Variants in NRDE2 observed in about 807,000 individuals in gnomAD.
NRDE2 encodes the protein NRDE-2, necessary for RNA interference, domain containing.
In NRDE2, 76 loss-of-function variants were observed where a neutral mutation model predicts 124.2. The observed-to-expected ratio is 0.61, with a 90% confidence interval of 0.51 to 0.74. NRDE2 has a LOEUF of 0.74. NRDE2 is among the 30% of genes least tolerant of loss of function. The pLI is 0.00. For missense variants in NRDE2, 1,314 were observed against 1,417.3 expected (o/e 0.93, Z 1.17); for synonymous variants, 489 against 528.1 (o/e 0.93, Z 1.01).
At chr14:90,281,594 T>C (rs975878016) in intron 12 of NRDE2, 2 of 152,180 alleles carry the variant, frequency 1.3e-5, no homozygotes, top group African/African-American at 2.4e-5. Context: ...ATCACTTGTT[T>C]TGGCATTTGT....
In NRDE2 at chr14:90,288,593, C is replaced by T. The variant is rs59039343; in HGVS notation, c.2782G>A (p.Glu928Lys). The part of the protein sequence containing the change: ...IGIDAAVQIY[E>K]QVFAKLNSSV... The stretch of plus-strand genomic sequence containing the variant: ...CTGTTCAGTTTTGCAAACACCTGTT[C>T]GTATATCTGCACAGCAGCATCAATC... The change falls in exon 11 of 14, where the codon GAA becomes AAA. Residue 928 changes from glutamate (E) to lysine (K), a missense_variant. Coordinates refer to ENST00000354366, the MANE Select transcript of NRDE2 (RefSeq NM_017970.4). 1,864 of 1,614,132 alleles carry T rather than the reference C, an allele frequency of 1.2e-3. 16 individuals carry two copies. In the African/African-American group the frequency reaches 0.022, roughly 19 times the overall value.
chr14:90,317,070 T>G (rs982544879), intron 2 of NRDE2, among the ~76,000 whole-genome samples: 1 of 152,166 alleles, frequency 6.6e-6, no homozygotes, highest in Non-Finnish European at 1.5e-5. Flanking sequence ...TATACATCTT[T>G]AAATGAAAGT....
At chr14:90,309,472 CAAA>C (rs746289824) in intron 4 of NRDE2, among the ~76,000 whole-genome samples, 6 of 110,748 alleles carry the variant, frequency 5.4e-5, no homozygotes, top group African/African-American at 1.4e-4. Flanking sequence ...GACTCTGTCT[CAAA>C]AAAAAAAAAA....
intron 13 of NRDE2, 82 bp downstream of exon 13, chr14:90,278,980 C>T: frequency 1.0e-6 from 1 of 972,456 alleles, no homozygotes; most frequent in Non-Finnish European, 1.7e-6. Context: ...TGCCGCGGGG[C>T]AGGCCGGGAA....
Position 90,316,113 on chromosome 14 carries a change from T to C in NRDE2, c.407+465A>G, listed in dbSNP as rs139357326. Among the ~76,000 whole-genome samples the C allele has an allele frequency of 6.7e-3, 1,014 of 152,078 alleles. 7 individuals carry two copies. The highest frequency in any genetic ancestry group is 0.011 in the Non-Finnish European group (773 of 67,978). ...TGAAAAAGAAAAGGAAAAGGACAAA[T>C]GTAACAATTATTTAAGTGCTACGTT... On this transcript the variant is annotated intron_variant, in intron 3 of 13. Transcript: ENST00000354366.
At chr14:90,317,468 C>T (rs1367410538) in intron 2 of NRDE2, among the ~76,000 whole-genome samples, 2 of 152,158 alleles carry the variant, frequency 1.3e-5, no homozygotes, top group African/African-American at 2.4e-5. Flanking sequence ...TTTCCAAAGG[C>T]TTCTTACACA....
At chr14:90,283,475 G>C (rs1231799355) in intron 12 of NRDE2, among the ~76,000 whole-genome samples, 1 of 152,136 alleles carries the variant, frequency 6.6e-6, no homozygotes. Context: ...GAATCTTTAT[G>C]CTGGGAATAT....
chr14:90,299,581 G>A (rs138525416), intron 7 of NRDE2, among the ~76,000 whole-genome samples: 63 of 152,266 alleles, frequency 4.1e-4, no homozygotes, highest in African/African-American at 1.4e-3. Context: ...GGACAAGCAG[G>A]CTTCCAGTGG....
chr14:90,312,443 C>T lies in NRDE2; in HGVS notation c.508G>A (p.Asp170Asn). ...GETFRTDKKP[D>N]PANWEYKSLY... is the part of the protein sequence containing the mutation. ...GACTTGTACTCCCAGTTCGCAGGAT[C>T]TGGTTTCTTATCTGTTCTGAAGGTT... The change falls in exon 4 of 14, where the codon GAT becomes AAT. Residue 170 changes from aspartate to asparagine, a missense_variant. Transcript: ENST00000354366. 1.9e-6 allele frequency: 3 copies of T among 1,614,128 alleles called. No homozygotes were observed.
rs1239899222 is a variant in NRDE2 at position 90,269,135 on chromosome 14, T to A, written c.*9201A>T. 71 of 418,542 alleles carry A rather than the reference T, an allele frequency of 1.7e-4. No homozygotes were observed. In the East Asian group the frequency reaches 2.9e-3, roughly 17 times the overall value. The allele number at this position is 418,542 out of a possible 1,614,324, so 25.9% of individuals were successfully genotyped here. A position where few individuals can be genotyped will look rare whatever the true frequency, so the allele number is the denominator to read the frequency against. ...TCATGCTGTATAAGGCTCTGCCTCA[T>A]GCCTTTAGCCCTTTCCAAAAGGCCT... On this transcript the variant is annotated 3_prime_UTR_variant, in exon 14 of 14. Transcript: ENST00000354366.
Position 90,269,640 on chromosome 14 carries a change from A to G in NRDE2, c.*8696T>C. ...GGGAGGCCTATAAAATGATACATAA[A>G]AAAGCAAATACTGCAGTGAAACTTA... On this transcript the variant is annotated 3_prime_UTR_variant, in exon 14 of 14. Transcript: ENST00000354366. 1 of 1,392,200 alleles carries G rather than the reference A, an allele frequency of 7.2e-7. No individual in the cohort carries two copies. Among genetic ancestry groups the G allele is most frequent in the Non-Finnish European group, 9.8e-7 (1 of 1,015,462 alleles). The allele number at this position is 1,392,200 out of a possible 1,614,324, so 86.2% of individuals were successfully genotyped here. A position where few individuals can be genotyped will look rare whatever the true frequency, so the allele number is the denominator to read the frequency against.
At chr14:90,324,052 C>A (rs892102028) in intron 1 of NRDE2, among the ~76,000 whole-genome samples, 1 of 152,114 alleles carries the variant, frequency 6.6e-6, no homozygotes, top group Non-Finnish European at 1.5e-5. Flanking sequence ...AATGACAGCA[C>A]GCTCTCTAAT....
chr14:90,300,614 C>T (rs879623276), intron 7 of NRDE2, among the ~76,000 whole-genome samples: 16 of 150,932 alleles, frequency 1.1e-4, no homozygotes, highest in Admixed American at 6.6e-4. Flanking sequence ...TGGCAATGCT[C>T]GCTTGTCATC....
At chr14:90,330,435 G>T (rs553606507) in intron 1 of NRDE2, among the ~76,000 whole-genome samples, 37 of 152,232 alleles carry the variant, frequency 2.4e-4, no homozygotes, top group African/African-American at 6.7e-4. Flanking sequence ...ATGCTACAAT[G>T]AATAGACAAA....
chr14:90,321,671 T>C (rs868506050), intron 1 of NRDE2, among the ~76,000 whole-genome samples: 2 of 151,898 alleles, frequency 1.3e-5, no homozygotes, highest in Non-Finnish European at 2.9e-5. Context: ...GAGCAAAAGG[T>C]ATTTTCATCT....
At chr14:90,324,036 G>C (rs1237466922) in intron 1 of NRDE2, among the ~76,000 whole-genome samples, 1 of 152,124 alleles carries the variant, frequency 6.6e-6, no homozygotes, top group Non-Finnish European at 1.5e-5. Context: ...AGAGAAAATA[G>C]GGAATAATGA....
chr14:90,303,628 C>G (rs998443166), intron 5 of NRDE2, among the ~76,000 whole-genome samples: 1 of 152,154 alleles, frequency 6.6e-6, no homozygotes, highest in Non-Finnish European at 1.5e-5. Context: ...TCTCTTCTTT[C>G]AAGATTGTGT....
intron 3 of NRDE2, among the ~76,000 whole-genome samples, chr14:90,314,692 A>G (rs1482256302): frequency 6.6e-6 from 1 of 152,350 alleles, no homozygotes; most frequent in East Asian, 1.9e-4. Context: ...AAAGGTAAGG[A>G]CACCAATAAC....
rs1200853722 is a variant in NRDE2 at position 90,277,521 on chromosome 14, A to C, written c.*815T>G. 6.6e-6 allele frequency: 1 copy of C among 152,252 alleles called. No homozygotes were observed. Among genetic ancestry groups the C allele is most frequent in the Non-Finnish European group, 1.5e-5 (1 of 68,062 alleles). The allele number at this position is 152,252 out of a possible 1,614,324, so 9.4% of individuals were successfully genotyped here. Reference sequence around the variant, plus strand: ...ATTCTGTTCACAGCCCTCGAATGCAACACCAGAACCAGGCCAGCCTTGGCC... The same window carrying C: ...ATTCTGTTCACAGCCCTCGAATGCACCACCAGAACCAGGCCAGCCTTGGCC... On this transcript the variant is annotated 3_prime_UTR_variant, in exon 14 of 14. Coordinates refer to ENST00000354366, the MANE Select transcript of NRDE2 (RefSeq NM_017970.4).
Sources: gnomAD v4.1 joint callset for allele counts (sites outside exome capture counted in the v4.1 genomes callset) on GRCh38, gnomAD v4.1.1 for gene constraint, MANE v1.5 for transcripts, NCBI Gene and HGNC (gene_info 2026-07-23, HGNC 2026-07-21) for gene names.